RABGAP1: variants seen among roughly 807,000 people sequenced by gnomAD.
The protein encoded by RABGAP1 is RAB GTPase activating protein 1.
In RABGAP1, 23 loss-of-function variants were observed where a neutral mutation model predicts 137.6. That is an observed-to-expected ratio of 0.17 (90% confidence interval 0.12 to 0.24). RABGAP1 has a LOEUF of 0.24. Ranked by LOEUF, RABGAP1 falls within the 10% of genes least tolerant of loss-of-function variation. The pLI is 1.00. For synonymous variants in RABGAP1, 451 were observed against 450.7 expected (o/e 1.00, Z -0.01); for missense variants, 906 against 1,275.8 (o/e 0.71, Z 4.42).
At chr9:123,068,935 CAAAAAATAAGTGG>C (rs1011582024) in intron 14 of RABGAP1, among the ~76,000 whole-genome samples, 27 of 152,122 alleles carry the variant, frequency 1.8e-4, no homozygotes, top group African/African-American at 5.5e-4. Flanking sequence ...AACTTTGGCA[CAAAAAATAAGTGG>C]AAAACAAAGG....
At chr9:123,049,832 AG>A (rs1303813309) in intron 13 of RABGAP1, among the ~76,000 whole-genome samples, 1 of 152,246 alleles carries the variant, frequency 6.6e-6, no homozygotes, top group East Asian at 1.9e-4. Context: ...CTGATATACC[AG>A]GCCTTAAGCC....
At chr9:123,059,371 A>G (rs899348446) in intron 13 of RABGAP1, among the ~76,000 whole-genome samples, 9 of 151,966 alleles carry the variant, frequency 5.9e-5, no homozygotes, top group Non-Finnish European at 8.8e-5. Context: ...TGACTAACAC[A>G]GTGAAACCCC....
At chr9:122,966,033 C>T (rs139549884) in intron 2 of RABGAP1, among the ~76,000 whole-genome samples, 1 of 152,214 alleles carries the variant, frequency 6.6e-6, no homozygotes, top group East Asian at 1.9e-4. Flanking sequence ...GGCATTACCT[C>T]AGTAATGCCA....
chr9:122,977,962 T>C (rs1376980947), intron 2 of RABGAP1, among the ~76,000 whole-genome samples: 1 of 152,200 alleles, frequency 6.6e-6, no homozygotes, highest in Admixed American at 6.5e-5. Flanking sequence ...GGAACAGTTG[T>C]GTTCTCAAAT....
At chr9:123,003,545 T>G (rs1201759816) in intron 10 of RABGAP1, among the ~76,000 whole-genome samples, 1 of 152,222 alleles carries the variant, frequency 6.6e-6, no homozygotes, top group African/African-American at 2.4e-5. Flanking sequence ...AGCATTTCTG[T>G]TTTTTGCTGC....
chr9:123,002,607 T>C (rs1837383602), intron 10 of RABGAP1, among the ~76,000 whole-genome samples: 1 of 151,690 alleles, frequency 6.6e-6, no homozygotes, highest in South Asian at 2.1e-4. Context: ...TATCTTTCTA[T>C]GGAAACAAAT....
chr9:122,952,666 T>C (rs1834315860), intron 1 of RABGAP1, among the ~76,000 whole-genome samples: 1 of 151,816 alleles, frequency 6.6e-6, no homozygotes, highest in African/African-American at 2.4e-5. Flanking sequence ...AGCCCGGGAG[T>C]TTGAGGCTGC....
intron 10 of RABGAP1, among the ~76,000 whole-genome samples, chr9:123,006,961 T>G (rs942226528): frequency 4.9e-4 from 75 of 152,096 alleles, no homozygotes; most frequent in African/African-American, 1.7e-3. Context: ...CCTTCCCTCC[T>G]CAAATACTCC....
In RABGAP1 at chr9:122,989,422, A is replaced by G. The variant is rs145231257; in HGVS notation, c.716A>G (p.Asn239Ser). ...TTTGCTTTCACTGAAAGTCATTACA[A>G]TGCAGAGCTCTTCAGAATACACGTC... ...DCFAFTESHYNAELFRIHVFR... is the reference protein window; with the variant it reads ...DCFAFTESHYSAELFRIHVFR... The change falls in exon 5 of 26, where the codon AAT (asparagine) becomes AGT (serine). Residue 239 changes from asparagine to serine, a missense_variant. By Grantham distance (46) the Asn-to-Ser change is conservative. Transcript: ENST00000373647. 32 of 1,614,122 alleles carry G rather than the reference A, an allele frequency of 2.0e-5. No homozygotes were observed. The highest frequency in any genetic ancestry group is 2.6e-5 in the Non-Finnish European group (31 of 1,180,022).
chr9:123,067,156 T>C (rs2034202876), intron 14 of RABGAP1, among the ~76,000 whole-genome samples: 1 of 152,244 alleles, frequency 6.6e-6, no homozygotes, highest in Non-Finnish European at 1.5e-5. Flanking sequence ...TTGTCTCTTT[T>C]TAAATTAAAC....
chr9:123,086,608 A>G (rs1404365498), intron 19 of RABGAP1, among the ~76,000 whole-genome samples: 1 of 149,392 alleles, frequency 6.7e-6, no homozygotes, highest in African/African-American at 2.5e-5. Context: ...GCAGCCACCC[A>G]TGCTGCAAAA....
At chr9:123,048,262 C>T (rs1204999237) in intron 13 of RABGAP1, among the ~76,000 whole-genome samples, 1 of 152,054 alleles carries the variant, frequency 6.6e-6, no homozygotes, top group African/African-American at 2.4e-5. Context: ...TTTTGCTACT[C>T]AATAGACACA....
chr9:122,991,719 C>T (rs542836404), intron 6 of RABGAP1, among the ~76,000 whole-genome samples: 12 of 151,920 alleles, frequency 7.9e-5, no homozygotes, highest in Non-Finnish European at 1.2e-4. Flanking sequence ...CCTCCCACCT[C>T]GCCCTCCTGA....
At chr9:123,095,247 AAAAAG>A (rs1238956508) in intron 21 of RABGAP1, among the ~76,000 whole-genome samples, 1 of 151,408 alleles carries the variant, frequency 6.6e-6, no homozygotes, top group Non-Finnish European at 1.5e-5. Context: ...AAAAAAAAAA[AAAAAG>A]CCAGCTTTTG....
intron 13 of RABGAP1, chr9:123,034,858 G>T: frequency 6.2e-7 from 1 of 1,614,074 alleles, no homozygotes; most frequent in Admixed American, 1.7e-5. Context: ...TCCAGTAGAG[G>T]AGTCCTTGAC....
intron 23 of RABGAP1, 22 bp downstream of exon 23, chr9:123,098,820 T>C: frequency 1.3e-6 from 2 of 1,588,428 alleles, no homozygotes; most frequent in South Asian, 1.1e-5. Context: ...TACCCTGGGA[T>C]TGGGCTGTGT....
chr9:123,079,239 G>GTTTTTTT (rs56098560), intron 19 of RABGAP1, among the ~76,000 whole-genome samples: 6 of 106,676 alleles, frequency 5.6e-5, no homozygotes, highest in African/African-American at 1.7e-4. Flanking sequence ...GTTTTGTTTT[G>GTTTTTTT]TTTTTTTTTT....
intron 13 of RABGAP1, among the ~76,000 whole-genome samples, chr9:123,044,051 C>T (rs2033086218): frequency 6.6e-6 from 1 of 151,932 alleles, no homozygotes; most frequent in African/African-American, 2.4e-5. Flanking sequence ...CAGGCGCCCA[C>T]CACCATGCAT....
chr9:123,049,867 A>G (rs1467746805), intron 13 of RABGAP1, among the ~76,000 whole-genome samples: 3 of 152,230 alleles, frequency 2.0e-5, no homozygotes. Flanking sequence ...GCAGTATTTC[A>G]TTTGCTTCTC....
Sources: gnomAD v4.1 joint callset for allele counts (sites outside exome capture counted in the v4.1 genomes callset) on GRCh38, gnomAD v4.1.1 for gene constraint, MANE v1.5 for transcripts, NCBI Gene and HGNC (gene_info 2026-07-23, HGNC 2026-07-21) for gene names.